The following HDAC9 variants were observed in gnomAD, a reference collection of about 807,000 sequenced individuals.
The protein encoded by HDAC9 is MEF-2 interacting transcription repressor (MITR) protein.
Under a neutral mutation model 139.4 loss-of-function variants are expected in HDAC9, and 41 were observed. That is an observed-to-expected ratio of 0.29 (90% confidence interval 0.23 to 0.38). The LOEUF (loss-of-function observed/expected upper bound fraction) is 0.38. Among genes scored for constraint, HDAC9 ranks in the 10% least tolerant of loss-of-function variants. The pLI is 1.00. For synonymous variants in HDAC9, 517 were observed against 476.2 expected (o/e 1.09, Z -1.12); for missense variants, 1,147 against 1,297.0 (o/e 0.88, Z 1.78).
At chr7:18,463,491 A>G (rs1794022697) in intron 1 of HDAC9, among the ~76,000 whole-genome samples, 2 of 151,792 alleles carry the variant, frequency 1.3e-5, no homozygotes, top group African/African-American at 2.4e-5. Flanking sequence ...TTGTATCTAA[A>G]TTTTCCATTT....
intron 2 of HDAC9, among the ~76,000 whole-genome samples, chr7:18,251,346 G>A (rs1320095409): frequency 6.6e-6 from 1 of 152,082 alleles, no homozygotes; most frequent in Non-Finnish European, 1.5e-5. Flanking sequence ...AGCACACACT[G>A]GGGCCTGTTG....
At chr7:18,557,356 T>TTC (rs397710153) in intron 2 of HDAC9, among the ~76,000 whole-genome samples, 1 of 149,244 alleles carries the variant, frequency 6.7e-6, no homozygotes, top group Admixed American at 6.7e-5. Flanking sequence ...TTTTTTTTTT[T>TTC]ATATCTAACC....
intron 24 of HDAC9, among the ~76,000 whole-genome samples, chr7:18,971,430 A>G (rs1784237435): frequency 6.6e-6 from 1 of 152,192 alleles, no homozygotes; most frequent in Non-Finnish European, 1.5e-5. Flanking sequence ...TGAAAACCCT[A>G]GCAGTCAACC....
chr7:18,932,848 A>AAAAG (rs71017014), intron 22 of HDAC9, among the ~76,000 whole-genome samples: 3,135 of 138,298 alleles, frequency 0.023, 74 homozygotes, highest in African/African-American at 0.057. Flanking sequence ...AGGAAGGAAA[A>AAAAG]AAAGAAAGAA....
At chr7:18,526,028 A>G (rs953929125) in intron 2 of HDAC9, among the ~76,000 whole-genome samples, 1 of 152,170 alleles carries the variant, frequency 6.6e-6, no homozygotes, top group African/African-American at 2.4e-5. Context: ...TCTGCACCAG[A>G]TGAAAGTCAC....
At chr7:18,128,146 A>T (rs1344863831) in intron 1 of HDAC9, among the ~76,000 whole-genome samples, 2 of 152,072 alleles carry the variant, frequency 1.3e-5, no homozygotes, top group African/African-American at 4.8e-5. Context: ...CCAGCACCTT[A>T]TGTTCTCTGC....
rs5882674 is a variant in HDAC9 at position 18,788,753 on chromosome 7, TA to T, written c.2215-4575del. 7.7e-3 allele frequency among the ~76,000 whole-genome samples: 1,041 copies of T among 135,642 alleles called. 5 individuals are homozygous for T. The highest frequency in any genetic ancestry group is 9.2e-3 in the Non-Finnish European group (593 of 64,266). The allele number at this position is 135,642 out of a possible 152,430, so 89.0% of individuals were successfully genotyped here. On this transcript the variant is annotated intron_variant, in intron 16 of 25. Transcript: ENST00000686413. The stretch of plus-strand genomic sequence containing the variant: ...CTGGATGACAGAGCGAGACTCTGTT[TA>T]AAAAAAAAAAAAAAAAGACCCAAAT...
intron 8 of HDAC9, among the ~76,000 whole-genome samples, chr7:18,635,163 G>A (rs1214575237): frequency 6.6e-6 from 1 of 151,630 alleles, no homozygotes. Context: ...CCTCTGCTTG[G>A]TTATTGGTTG....
At chr7:18,663,913 G>C (rs921709726) in intron 11 of HDAC9, among the ~76,000 whole-genome samples, 4 of 152,086 alleles carry the variant, frequency 2.6e-5, no homozygotes, top group Non-Finnish European at 4.4e-5. Flanking sequence ...GATAGTCTCT[G>C]TCCCTCTCTC....
intron 1 of HDAC9, among the ~76,000 whole-genome samples, chr7:18,472,334 G>A (rs966469588): frequency 6.6e-6 from 1 of 152,090 alleles, no homozygotes; most frequent in African/African-American, 2.4e-5. Flanking sequence ...CCCAAACAGA[G>A]TGGCCCAGCA....
At chr7:18,837,005 T>A (rs1348357350) in intron 21 of HDAC9, among the ~76,000 whole-genome samples, 1 of 152,074 alleles carries the variant, frequency 6.6e-6, no homozygotes, top group African/African-American at 2.4e-5. Flanking sequence ...TTTTAATTAA[T>A]GAAGTTTTGG....
intron 6 of HDAC9, among the ~76,000 whole-genome samples, chr7:18,618,677 C>T (rs574048342): frequency 9.0e-5 from 13 of 144,734 alleles, no homozygotes; most frequent in Admixed American, 8.5e-4. Flanking sequence ...ACTTTTCATG[C>T]CATTTCTATT....
chr7:18,117,203 G>A (rs183801199), intron 1 of HDAC9, among the ~76,000 whole-genome samples: 1 of 152,248 alleles, frequency 6.6e-6, no homozygotes. Flanking sequence ...AAGTTAAGAT[G>A]AGATCATACT....
At chr7:18,512,607 A>G (rs1801879852) in intron 2 of HDAC9, among the ~76,000 whole-genome samples, 1 of 152,202 alleles carries the variant, frequency 6.6e-6, no homozygotes, top group African/African-American at 2.4e-5. Flanking sequence ...TGCTTGATGA[A>G]TAGTATTAAG....
intron 12 of HDAC9, among the ~76,000 whole-genome samples, chr7:18,686,420 CAT>C (rs1782275298): frequency 6.6e-6 from 1 of 151,894 alleles, no homozygotes; most frequent in Admixed American, 6.6e-5. Flanking sequence ...ATACTAAACA[CAT>C]GTCTTAGCAT....
intron 12 of HDAC9, among the ~76,000 whole-genome samples, chr7:18,686,834 A>T (rs1186989484): frequency 6.6e-6 from 1 of 151,880 alleles, no homozygotes; most frequent in Non-Finnish European, 1.5e-5. Flanking sequence ...AATCCTCATA[A>T]AATAATTCAA....
At chr7:18,469,500 G>T (rs1284012895) in intron 1 of HDAC9, among the ~76,000 whole-genome samples, 1 of 152,076 alleles carries the variant, frequency 6.6e-6, no homozygotes, top group Non-Finnish European at 1.5e-5. Flanking sequence ...ATTTTAAATG[G>T]TGACACATCT....
intron 13 of HDAC9, among the ~76,000 whole-genome samples, chr7:18,732,969 A>G (rs1390877547): frequency 1.5e-5 from 2 of 133,658 alleles, no homozygotes; most frequent in Admixed American, 7.2e-5. Context: ...GTGTATGTGT[A>G]TATACACATG....
chr7:18,088,072 C>G (rs1461177151), intron 1 of HDAC9: 4 of 152,148 alleles, frequency 2.6e-5, no homozygotes, highest in Admixed American at 1.3e-4. Flanking sequence ...GAAGATCTGT[C>G]AATTGTTTTT....
Sources: allele counts gnomAD v4.1 joint callset (sites outside exome capture counted in the v4.1 genomes callset), GRCh38; gene constraint gnomAD v4.1.1; transcripts MANE v1.5; gene names NCBI Gene and HGNC (gene_info 2026-07-23, HGNC 2026-07-21).